TEX2: variants seen among roughly 807,000 people sequenced by gnomAD.
The protein encoded by TEX2 is testis-expressed protein 2.
Under a neutral mutation model 106.9 loss-of-function variants are expected in TEX2, and 53 were observed. The observed-to-expected ratio is 0.50, with a 90% CI of 0.40 to 0.62. TEX2 has a LOEUF of 0.62. Among genes scored for constraint, TEX2 ranks in the 20% least tolerant of loss-of-function variants. The pLI, the probability that TEX2 is intolerant of heterozygous loss-of-function variation, is 0.00. For synonymous variants in TEX2, 523 were observed against 534.8 expected (o/e 0.98, Z 0.30); for missense variants, 1,207 against 1,379.0 (o/e 0.88, Z 1.98).
chr17:64,213,880 G>C lies in TEX2; in HGVS notation c.338C>G (p.Thr113Ser). The C allele has an allele frequency of 6.2e-7, 1 of 1,614,226 alleles. No individual in the cohort carries two copies. The highest frequency in any genetic ancestry group is 8.5e-7 in the Non-Finnish European group (1 of 1,180,038). The part of the protein sequence containing the change: ...APAILPVSKN[T>S]VKLLESPVPA... ...AACAGGGGACTCCAACAGCTTTACA[G>C]TGTTCTTGGAGACGGGCAAAATGGC... Residue 113 changes from threonine (T) to serine (S), a missense_variant, in exon 2 of 12, where the codon ACT becomes AGT. Thr to Ser is a moderately conservative substitution (Grantham distance 58). This residue lies in a region of TEX2 where 1,067 missense variants were observed against 1,193.6 expected (regional missense o/e 0.89). Transcript: ENST00000584379. The surrounding 1 kb of genome is among the most constrained non-coding windows in gnomAD (Gnocchi z 4.4).
Position 64,152,981 on chromosome 17 carries a change from G to A in TEX2, c.3104C>T (p.Ala1035Val), listed in dbSNP as rs1057510661. The A allele has an allele frequency of 1.2e-5, 19 of 1,613,992 alleles. No homozygotes were observed. Among genetic ancestry groups the A allele is most frequent in the Admixed American group, 1.0e-4 (6 of 60,002 alleles). Residue 1035 changes from alanine (A) to valine (V), a missense_variant, in exon 10 of 12, where the codon GCG (alanine) becomes GTG (valine). Ala to Val is a moderately conservative substitution (Grantham distance 64, BLOSUM62 0). This residue lies in a region of TEX2 where 63 missense variants were observed against 112.2 expected (regional missense o/e 0.56). Transcript: ENST00000584379. ...AGTCGGGGGTGGTGGAATGTTGACCGCCAAGGTTCCTCTACATTCTTGTAC... is the reference window on the plus strand; with the variant it reads ...AGTCGGGGGTGGTGGAATGTTGACCACCAAGGTTCCTCTACATTCTTGTAC... ...VEVQECRGTL[A>V]VNIPPPPTDR... is the part of the protein sequence containing the mutation.
chr17:64,239,913 G>C (rs1555635557), intron 1 of TEX2, among the ~76,000 whole-genome samples: 1 of 123,196 alleles, frequency 8.1e-6, no homozygotes. Flanking sequence ...AAGCAGAGAA[G>C]ATAAGAGAAG....
Position 64,187,579 on chromosome 17 carries a change from G to T in TEX2, c.2424+589C>A, listed in dbSNP as rs1449482908. On this transcript the variant is annotated intron_variant, in intron 5 of 11. Transcript: ENST00000584379. ...AGAGCCACTTATCTTTTTATACTTA[G>T]ATCAGTCAACATCATACCCTGCTCA... 2.6e-5 allele frequency among the ~76,000 whole-genome samples: 4 copies of T among 152,056 alleles called. No homozygotes were observed. The East Asian group carries it at 5.8e-4, about 22-fold the overall frequency.
intron 1 of TEX2, among the ~76,000 whole-genome samples, chr17:64,239,904 A>C (rs79726141): frequency 8.4e-6 from 1 of 118,790 alleles, no homozygotes; most frequent in Non-Finnish European, 1.8e-5. Flanking sequence ...AAAAAAAAAA[A>C]GCAGAGAAGA....
At position 64,150,881 on chromosome 17, in the gene TEX2, A is replaced by G; in HGVS notation, c.3221T>C (p.Val1074Ala). The change falls in exon 11 of 12, where the codon GTG becomes GCG. Residue 1074 changes from valine to alanine, a missense_variant. Val to Ala is a moderately conservative substitution (Grantham distance 64, BLOSUM62 0). Around this residue, in one of 3 missense-constraint regions of TEX2, gnomAD observed 77 missense variants for 73.2 expected, o/e 1.05. Transcript: ENST00000584379. ...LGEREVTLVH[V>A]TDWIEKKLEQ... ...CAGTTTCTTCTCTATCCAGTCTGTC[A>G]CATGAACTAAAGTCACTTCTCTCTC... 1 of 1,613,872 alleles carries G rather than the reference A, an allele frequency of 6.2e-7. No individual in the cohort carries two copies. The highest frequency in any genetic ancestry group is 1.3e-5 in the African/African-American group (1 of 75,008).
intron 1 of TEX2, among the ~76,000 whole-genome samples, chr17:64,235,211 C>T (rs1056209055): frequency 4.6e-5 from 7 of 152,242 alleles, no homozygotes; most frequent in South Asian, 2.1e-4. Context: ...ATTTAATACA[C>T]GAGGAAAAAG....
chr17:64,166,817 A>G (rs1567912163), intron 7 of TEX2, among the ~76,000 whole-genome samples: 1 of 152,196 alleles, frequency 6.6e-6, no homozygotes, highest in Non-Finnish European at 1.5e-5. Flanking sequence ...AAATGACTGG[A>G]AAGAGTTTGG....
At position 64,189,025 on chromosome 17, in the gene TEX2, G is replaced by A. The variant is rs559091961; in HGVS notation, c.2177-610C>T. 1.6e-3 allele frequency among the ~76,000 whole-genome samples: 236 copies of A among 152,208 alleles called. 2 individuals carry two copies. Among genetic ancestry groups the A allele is most frequent in the Non-Finnish European group, 2.8e-3 (190 of 68,018 alleles). ...TAGGACCAACACATCCCAAGTAGTG[G>A]CGAACTTGTCAGTGCTATCAGGGGT... On this transcript the variant is annotated intron_variant, in intron 4 of 11. Coordinates refer to ENST00000584379, the MANE Select transcript of TEX2 (RefSeq NM_001288732.2).
chr17:64,150,425 T>C (rs549684770), intron 11 of TEX2: 1 of 152,732 alleles, frequency 6.5e-6, no homozygotes, highest in African/African-American at 2.4e-5. Flanking sequence ...TTTCCAGGAA[T>C]GTTTGTTGAA....
chr17:64,224,396 T>C (rs2033447442), intron 1 of TEX2, among the ~76,000 whole-genome samples: 1 of 152,232 alleles, frequency 6.6e-6, no homozygotes, highest in South Asian at 2.1e-4. Context: ...AGCTATCCCT[T>C]GATTCATTTA....
At chr17:64,176,684 G>A (rs2031630391) in intron 6 of TEX2, among the ~76,000 whole-genome samples, 1 of 152,208 alleles carries the variant, frequency 6.6e-6, no homozygotes. Flanking sequence ...CCCTGGATTA[G>A]CACCAGAGTG....
chr17:64,190,931 T>C (rs1185955874), intron 4 of TEX2, among the ~76,000 whole-genome samples: 2 of 152,214 alleles, frequency 1.3e-5, no homozygotes, highest in Non-Finnish European at 2.9e-5. Flanking sequence ...GGAAGACTTC[T>C]AACTTCTTGG....
At chr17:64,190,335 T>A (rs529223182) in intron 4 of TEX2, among the ~76,000 whole-genome samples, 57 of 152,148 alleles carry the variant, frequency 3.7e-4, no homozygotes, top group African/African-American at 1.2e-3. Context: ...AAAAAGGACA[T>A]TAGTAGAAAA....
intron 1 of TEX2, among the ~76,000 whole-genome samples, chr17:64,233,875 C>T (rs2033711097): frequency 6.6e-6 from 1 of 152,194 alleles, no homozygotes; most frequent in Admixed American, 6.5e-5. Context: ...CCATGTCCTG[C>T]TCCTGATCTT....
chr17:64,163,389 C>T (rs1022305885), intron 7 of TEX2, among the ~76,000 whole-genome samples: 19 of 152,140 alleles, frequency 1.2e-4, no homozygotes, highest in African/African-American at 4.3e-4. Context: ...CTGCCTTGGC[C>T]TCCCAAAGTG....
chr17:64,173,894 G>A (rs2031514649), intron 6 of TEX2, among the ~76,000 whole-genome samples: 1 of 151,902 alleles, frequency 6.6e-6, no homozygotes, highest in African/African-American at 2.4e-5. Flanking sequence ...CACTCAGGCT[G>A]GAGTGCAGTG....
At position 64,193,547 on chromosome 17, in the gene TEX2, A is replaced by T. The variant is rs1330516704; in HGVS notation, c.2176+12T>A. 1 of 1,408,482 alleles carries T rather than the reference A, an allele frequency of 7.1e-7. No individual in the cohort carries two copies. The highest frequency in any genetic ancestry group is 9.3e-7 in the Non-Finnish European group (1 of 1,072,294). The allele number at this position is 1,408,482 out of a possible 1,614,324, so 87.2% of individuals were successfully genotyped here. A position where few individuals can be genotyped will look rare whatever the true frequency, so the allele number is the denominator to read the frequency against. ...TTAAAAATGCATAAGCATTTAGCAC[A>T]AACATCATTACCTGGTTTACCTCCA... On this transcript the variant is annotated intron_variant, in intron 4 of 11. Coordinates refer to ENST00000584379, the MANE Select transcript of TEX2 (RefSeq NM_001288732.2).
chr17:64,190,536 G>A (rs2032257492), intron 4 of TEX2, among the ~76,000 whole-genome samples: 2 of 151,958 alleles, frequency 1.3e-5, no homozygotes, highest in Non-Finnish European at 2.9e-5. Context: ...CCACAGAACA[G>A]CCTCTTCACA....
At position 64,213,630 on chromosome 17, in the gene TEX2, C is replaced by A. The variant is rs111854160; in HGVS notation, c.588G>T (p.Ser196=). 8.7e-6 allele frequency: 14 copies of A among 1,613,944 alleles called. No individual in the cohort carries two copies. The highest frequency in any genetic ancestry group is 3.3e-4 in the Middle Eastern group (2 of 6,062). The change falls in exon 2 of 12, where the codon TCG becomes TCT. Residue 196 remains serine (S), a synonymous_variant. Coordinates refer to ENST00000584379, the MANE Select transcript of TEX2 (RefSeq NM_001288732.2). This position sits in a 1 kb window ranked among gnomAD's most constrained non-coding sequence, Gnocchi z 4.4. ...GGGATTCTTTTGGCTCCACCTCGGT[C>A]GACAGGGACTTCACAAGGCTCATGA... ...KPFMSLVKSL[S]TEVEPKESPH...
Sources: allele counts gnomAD v4.1 joint callset (sites outside exome capture counted in the v4.1 genomes callset), GRCh38; gene constraint gnomAD v4.1.1; regional missense constraint gnomAD v4.1.1; non-coding constraint Gnocchi (gnomAD v3.1); transcripts MANE v1.5; gene names NCBI Gene and HGNC (gene_info 2026-07-23, HGNC 2026-07-21).